Variants in BBS9 observed in about 807,000 individuals in gnomAD.
The protein encoded by BBS9 is Bardet-Biedl syndrome 9.
Under a neutral mutation model 117.7 loss-of-function variants are expected in BBS9, and 89 were observed. The ratio of observed to expected loss-of-function variants is 0.76; its 90% confidence interval spans 0.64 to 0.90. The LOEUF is 0.90. Among genes scored for constraint, BBS9 ranks in the 40% least tolerant of loss-of-function variants. The pLI is 0.00. For missense variants in BBS9, 982 were observed against 1,042.2 expected (o/e 0.94, Z 0.80); for synonymous variants, 379 against 370.9 (o/e 1.02, Z -0.25).
intron 9 of BBS9, among the ~76,000 whole-genome samples, chr7:33,276,113 A>G (rs189716404): frequency 5.9e-5 from 9 of 152,306 alleles, no homozygotes; most frequent in East Asian, 1.9e-4. Context: ...TTTCTTACAT[A>G]TAATTTAACA....
chr7:33,500,813 G>A lies in BBS9; in HGVS notation c.2116-4650G>A, dbSNP rs1356703827. On this transcript the variant is annotated intron_variant, in intron 19 of 22. Coordinates refer to ENST00000242067, the MANE Select transcript of BBS9 (RefSeq NM_198428.3). The stretch of plus-strand genomic sequence containing the variant: ...TTAGAGCCTATCTTGGCAGCTGGAA[G>A]TATTTGGGATTAATTTCACACTCAC... Among the ~76,000 whole-genome samples the A allele has an allele frequency of 3.3e-5, 5 of 152,194 alleles. No individual in the cohort carries two copies. The East Asian group carries it at 9.6e-4, about 29-fold the overall frequency.
chr7:33,320,439 G>T (rs1484268402), intron 9 of BBS9, among the ~76,000 whole-genome samples: 2 of 152,122 alleles, frequency 1.3e-5, no homozygotes, highest in Non-Finnish European at 2.9e-5. Flanking sequence ...TTTTATGGCT[G>T]AATAGTATTC....
chr7:33,417,253 G>A (rs1832161194), intron 19 of BBS9, among the ~76,000 whole-genome samples: 1 of 152,140 alleles, frequency 6.6e-6, no homozygotes, highest in Non-Finnish European at 1.5e-5. Flanking sequence ...ATGGGCTAAG[G>A]GTCTTTGTGG....
At chr7:33,343,983 A>T (rs1436771760) in intron 11 of BBS9, among the ~76,000 whole-genome samples, 2 of 152,032 alleles carry the variant, frequency 1.3e-5, no homozygotes, top group Non-Finnish European at 2.9e-5. Flanking sequence ...ATAAATAACA[A>T]GTTAATAGAA....
chr7:33,368,553 C>T (rs775094739), intron 17 of BBS9, among the ~76,000 whole-genome samples: 4 of 143,194 alleles, frequency 2.8e-5, no homozygotes, highest in African/African-American at 7.9e-5. Context: ...AAGTATTTAA[C>T]GAATCTGTAT....
intron 5 of BBS9, among the ~76,000 whole-genome samples, chr7:33,183,338 G>T (rs534765635): frequency 2.7e-5 from 4 of 150,934 alleles, no homozygotes; most frequent in African/African-American, 7.3e-5. Flanking sequence ...TGACTGAGAA[G>T]AAAAAACCCC....
At chr7:33,283,439 A>AT (rs1176447421) in intron 9 of BBS9, among the ~76,000 whole-genome samples, 2 of 150,688 alleles carry the variant, frequency 1.3e-5, no homozygotes, top group African/African-American at 2.4e-5. Flanking sequence ...GATTTTTGTG[A>AT]TTTTTTTCAT....
chr7:33,623,826 A>G (rs2129224442), intron 21 of BBS9, among the ~76,000 whole-genome samples: 1 of 152,302 alleles, frequency 6.6e-6, no homozygotes, highest in South Asian at 2.1e-4. Context: ...TAGGGTATAT[A>G]CCTAGATGGC....
chr7:33,205,611 T>C (rs1786757878), intron 5 of BBS9, among the ~76,000 whole-genome samples: 1 of 152,200 alleles, frequency 6.6e-6, no homozygotes, highest in African/African-American at 2.4e-5. Context: ...TGTATTTTTT[T>C]CTTCTGTTCA....
rs183125447 is a variant in BBS9 at position 33,584,038 on chromosome 7, A to G, written c.2522-20827A>G. On this transcript the variant is annotated intron_variant, in intron 21 of 22. Coordinates refer to ENST00000242067, the MANE Select transcript of BBS9 (RefSeq NM_198428.3). ...TTTAAGCTGATTCATGAAGAATGTT[A>G]TTTAAAGGAACATTCCTGGCAGAGG... Among the ~76,000 whole-genome samples the G allele has an allele frequency of 2.6e-5, 4 of 152,122 alleles. No homozygotes were observed. In the South Asian group the frequency reaches 6.2e-4, roughly 24 times the overall value.
chr7:33,406,588 A>G (rs1215039320), intron 19 of BBS9, among the ~76,000 whole-genome samples: 1 of 151,892 alleles, frequency 6.6e-6, no homozygotes, highest in Non-Finnish European at 1.5e-5. Context: ...GTGCCTTTCC[A>G]TGTTTAGTGC....
chr7:33,441,424 T>G (rs574112816), intron 19 of BBS9, among the ~76,000 whole-genome samples: 20 of 152,350 alleles, frequency 1.3e-4, no homozygotes, highest in African/African-American at 4.3e-4. Flanking sequence ...TATTTAATAT[T>G]CATTTTTTAT....
intron 21 of BBS9, among the ~76,000 whole-genome samples, chr7:33,622,438 A>G (rs1562539015): frequency 6.6e-6 from 1 of 152,140 alleles, no homozygotes; most frequent in African/African-American, 2.4e-5. Context: ...TTGTTAAGTG[A>G]GTAGATCCTA....
At chr7:33,251,469 A>G (rs1224796284) in intron 5 of BBS9, among the ~76,000 whole-genome samples, 1 of 152,026 alleles carries the variant, frequency 6.6e-6, no homozygotes, top group African/African-American at 2.4e-5. Context: ...GCATGAGGAG[A>G]GGGGAATGGA....
intron 19 of BBS9, among the ~76,000 whole-genome samples, chr7:33,494,724 G>C (rs1394667591): frequency 1.3e-5 from 2 of 152,206 alleles, no homozygotes; most frequent in Non-Finnish European, 2.9e-5. Flanking sequence ...TTCATTGAAT[G>C]CCTGCTGTGA....
intron 5 of BBS9, among the ~76,000 whole-genome samples, chr7:33,178,902 T>A (rs941285178): frequency 6.6e-6 from 1 of 152,136 alleles, no homozygotes; most frequent in African/African-American, 2.4e-5. Context: ...ACTGAAGTGA[T>A]GTGAAACAAA....
rs141082228 is a variant in BBS9, at chr7:33,224,218, A to G, written c.443-33018A>G. Among the ~76,000 whole-genome samples the G allele has an allele frequency of 7.8e-3, 1,188 of 152,290 alleles. 19 individuals are homozygous for G. Among genetic ancestry groups the G allele is most frequent in the African/African-American group, 0.027 (1,135 of 41,558 alleles). On this transcript the variant is annotated intron_variant, in intron 5 of 22. Transcript: ENST00000242067. ...GCTATCTTATTTAATCGCCAAAACA[A>G]TGTTGTCAGGTCAGTGCAATTAGCC... is the stretch of plus-strand genomic sequence containing the variant.
At chr7:33,141,233 G>A (rs1431151010) in intron 1 of BBS9, among the ~76,000 whole-genome samples, 1 of 152,080 alleles carries the variant, frequency 6.6e-6, no homozygotes, top group Non-Finnish European at 1.5e-5. Flanking sequence ...GACCAGCCTG[G>A]TCAACATGGG....
rs771294994 is a variant in BBS9 at position 33,163,560 on chromosome 7, C to T, written c.328+7858C>T. On this transcript the variant is annotated intron_variant, in intron 4 of 22. Coordinates refer to ENST00000242067, the MANE Select transcript of BBS9 (RefSeq NM_198428.3). ...AACTTCTTCCTGGTTTAGTCTTGGG[C>T]GGGTGTATGTGTCCAGGAATTTATC... Among the ~76,000 whole-genome samples the T allele has an allele frequency of 5.9e-5, 9 of 152,092 alleles. No individual in the cohort carries two copies. The East Asian group carries it at 7.7e-4, about 13-fold the overall frequency.
Sources: gnomAD v4.1 joint callset for allele counts (sites outside exome capture counted in the v4.1 genomes callset) on GRCh38, gnomAD v4.1.1 for gene constraint, MANE v1.5 for transcripts, NCBI Gene and HGNC (gene_info 2026-07-23, HGNC 2026-07-21) for gene names.